The following ERC2 variants were observed in gnomAD, a reference collection of about 807,000 sequenced individuals.
ERC2 encodes the protein ELKS/RAB6-interacting/CAST family member 2.
A neutral mutation model predicts 114.8 loss-of-function variants in ERC2; 42 were observed. That is an observed-to-expected ratio of 0.37 (90% CI 0.29 to 0.47). ERC2 has a LOEUF of 0.47. Ranked by LOEUF, ERC2 falls within the 20% of genes least tolerant of loss-of-function variation. ERC2 has a pLI of 0.99. For synonymous variants in ERC2, 454 were observed against 425.5 expected, an observed-to-expected ratio of 1.07 and a Z score of -0.82; for missense variants, 939 against 1,150.7, an observed-to-expected ratio of 0.82 and a Z score of 2.66.
chr3:56,170,629 C>T (rs1310006184), intron 4 of ERC2, among the ~76,000 whole-genome samples: 1 of 127,634 alleles, frequency 7.8e-6, no homozygotes, highest in African/African-American at 3.1e-5. Flanking sequence ...TAGTGTCTCA[C>T]TATGTCACCC....
chr3:56,375,781 G>A (rs566176895), intron 2 of ERC2, among the ~76,000 whole-genome samples: 3 of 152,250 alleles, frequency 2.0e-5, no homozygotes, highest in Admixed American at 2.0e-4. Flanking sequence ...CTAGCAACTT[G>A]CATCCATTGA....
chr3:55,826,626 T>TC (rs1351766149), intron 14 of ERC2, among the ~76,000 whole-genome samples: 1 of 152,186 alleles, frequency 6.6e-6, no homozygotes, highest in Non-Finnish European at 1.5e-5. Flanking sequence ...TATACCACCC[T>TC]CCCCATTTTA....
intron 7 of ERC2, among the ~76,000 whole-genome samples, chr3:56,049,816 ATATGTG>A (rs1196481057): frequency 4.3e-5 from 5 of 115,654 alleles, no homozygotes; most frequent in South Asian, 6.2e-4. Context: ...CTCCCATCAT[ATATGTG>A]TGTGTGTGTG....
chr3:55,578,871 C>A (rs2057117609), intron 17 of ERC2, among the ~76,000 whole-genome samples: 1 of 152,096 alleles, frequency 6.6e-6, no homozygotes, highest in Non-Finnish European at 1.5e-5. Context: ...CTGCACATGG[C>A]CTCTCATCTA....
At chr3:55,776,412 A>G (rs968544122) in intron 14 of ERC2, among the ~76,000 whole-genome samples, 2 of 152,160 alleles carry the variant, frequency 1.3e-5, no homozygotes, top group African/African-American at 2.4e-5. Context: ...GGTCTAAGTG[A>G]GAGAGAAGGC....
chr3:55,809,488 A>C (rs1252645257), intron 14 of ERC2, among the ~76,000 whole-genome samples: 1 of 152,228 alleles, frequency 6.6e-6, no homozygotes. Context: ...CTATCTCAGT[A>C]GTATTTGCAA....
At chr3:56,012,404 G>A (rs2073016611) in intron 8 of ERC2, among the ~76,000 whole-genome samples, 2 of 152,084 alleles carry the variant, frequency 1.3e-5, no homozygotes, top group Non-Finnish European at 2.9e-5. Flanking sequence ...CCTTCACGTG[G>A]TTTCACTGCA....
chr3:55,837,240 C>T (rs2060931851), intron 14 of ERC2, among the ~76,000 whole-genome samples: 1 of 152,136 alleles, frequency 6.6e-6, no homozygotes, highest in Admixed American at 6.5e-5. Flanking sequence ...TTGATCCAGC[C>T]ATCCCATTAC....
intron 7 of ERC2, among the ~76,000 whole-genome samples, chr3:56,023,378 A>C (rs980621107): frequency 4.6e-5 from 7 of 152,160 alleles, no homozygotes; most frequent in Non-Finnish European, 8.8e-5. Flanking sequence ...ACAATCCCTC[A>C]GCCAAGCCCT....
chr3:56,290,327 C>A (rs951713467), intron 3 of ERC2, among the ~76,000 whole-genome samples: 3 of 152,168 alleles, frequency 2.0e-5, no homozygotes, highest in Non-Finnish European at 2.9e-5. Flanking sequence ...ATTTATTGAG[C>A]AGCTACTGGC....
intron 16 of ERC2, among the ~76,000 whole-genome samples, chr3:55,687,352 C>T (rs1215008958): frequency 6.8e-6 from 1 of 146,808 alleles, no homozygotes; most frequent in South Asian, 2.2e-4. Context: ...GTATAGCCAG[C>T]AGGCAAACCT....
At chr3:56,362,815 G>T (rs974601976) in intron 2 of ERC2, among the ~76,000 whole-genome samples, 3 of 152,194 alleles carry the variant, frequency 2.0e-5, no homozygotes, top group African/African-American at 7.2e-5. Context: ...TCTGGAAACT[G>T]TCCAATAGCT....
intron 2 of ERC2, among the ~76,000 whole-genome samples, chr3:56,319,423 T>C (rs1283754885): frequency 3.9e-5 from 6 of 152,128 alleles, no homozygotes; most frequent in Non-Finnish European, 2.9e-5. Flanking sequence ...ATTCCACTGA[T>C]ATGAGGAATC....
intron 2 of ERC2, among the ~76,000 whole-genome samples, chr3:56,365,901 T>C (rs1023050002): frequency 6.6e-6 from 1 of 152,180 alleles, no homozygotes; most frequent in African/African-American, 2.4e-5. Flanking sequence ...TTAGAGTTAA[T>C]TCATGGTTAG....
intron 2 of ERC2, among the ~76,000 whole-genome samples, chr3:56,386,677 C>G (rs758324674): frequency 6.6e-6 from 1 of 152,104 alleles, no homozygotes; most frequent in African/African-American, 2.4e-5. Flanking sequence ...TGGTTTTCCT[C>G]GCTGGAAAGA....
intron 14 of ERC2, among the ~76,000 whole-genome samples, chr3:55,758,944 C>CT (rs1559608900): frequency 1.3e-5 from 2 of 152,166 alleles, no homozygotes; most frequent in East Asian, 3.9e-4. Context: ...GAGGGTTAAC[C>CT]GCTAAATTCC....
At chr3:56,211,355 G>C (rs2049047560) in intron 3 of ERC2, among the ~76,000 whole-genome samples, 1 of 152,016 alleles carries the variant, frequency 6.6e-6, no homozygotes, top group South Asian at 2.1e-4. Flanking sequence ...TACAATAGCT[G>C]TGAACAATTA....
intron 7 of ERC2, among the ~76,000 whole-genome samples, chr3:56,070,623 C>T (rs1316452338): frequency 6.6e-6 from 1 of 152,178 alleles, no homozygotes; most frequent in Admixed American, 6.6e-5. Context: ...TGGCCCTGAA[C>T]TGCATTTTTA....
intron 2 of ERC2, among the ~76,000 whole-genome samples, chr3:56,431,957 A>C (rs998648338): frequency 6.6e-6 from 1 of 152,236 alleles, no homozygotes; most frequent in African/African-American, 2.4e-5. Flanking sequence ...GCCCTCAAGC[A>C]TTCACACACT....
Sources: allele counts gnomAD v4.1 joint callset (sites outside exome capture counted in the v4.1 genomes callset), GRCh38; gene constraint gnomAD v4.1.1; transcripts MANE v1.5; gene names NCBI Gene and HGNC (gene_info 2026-07-23, HGNC 2026-07-21).